The following TMEM178B variants were observed in gnomAD, a reference collection of about 807,000 sequenced individuals.
TMEM178B encodes the protein transmembrane protein 178B.
Under a neutral mutation model 31.0 loss-of-function variants are expected in TMEM178B, and 5 were observed. That is an observed-to-expected ratio of 0.16 (90% CI 0.08 to 0.34). The LOEUF is 0.34. Ranked by LOEUF, TMEM178B falls within the 10% of genes least tolerant of loss-of-function variation. The pLI is 1.00. For missense variants in TMEM178B, 275 were observed against 400.3 expected, an observed-to-expected ratio of 0.69 and a Z score of 2.67; for synonymous variants, 164 against 164.0, an observed-to-expected ratio of 1.00 and a Z score of 0.00.
intron 2 of TMEM178B, among the ~76,000 whole-genome samples, chr7:141,285,150 G>GTTTTTTTTTTTTTTTTTTTTTTT: frequency 1.3e-5 from 1 of 78,962 alleles, no homozygotes; most frequent in Non-Finnish European, 2.6e-5. Context: ...CAGGATTCTT[G>GTTTTTTTTTTTTTTTTTTTTTTT]TTTCTTTTTT....
intron 2 of TMEM178B, among the ~76,000 whole-genome samples, chr7:141,348,206 C>T (rs936325526): frequency 3.9e-5 from 6 of 152,126 alleles, no homozygotes; most frequent in East Asian, 1.9e-4. Flanking sequence ...TTCCAAATTT[C>T]GCAGTTATTT....
At chr7:141,123,471 T>G (rs1358159070) in intron 1 of TMEM178B, among the ~76,000 whole-genome samples, 3 of 152,344 alleles carry the variant, frequency 2.0e-5, no homozygotes, top group Admixed American at 2.0e-4. Context: ...GTTCACAGGC[T>G]GAAGTGTTTG....
At chr7:141,142,727 G>T (rs1162765504) in intron 1 of TMEM178B, among the ~76,000 whole-genome samples, 2 of 152,222 alleles carry the variant, frequency 1.3e-5, no homozygotes, top group African/African-American at 2.4e-5. Context: ...TTTTCATTTG[G>T]ATGTATTCCC....
At chr7:141,245,170 CAAAAAAAAAAAAAAAAAAAAA>C (rs59281560) in intron 2 of TMEM178B, among the ~76,000 whole-genome samples, 235 of 23,102 alleles carry the variant, frequency 0.01, 3 homozygotes, top group African/African-American at 0.028. Flanking sequence ...ACTCCATCAC[CAAAAAAAAAAAAAAAAAAAAA>C]AAAAAAAAAA....
Position 141,425,663 on chromosome 7 carries a change from G to A in TMEM178B, c.497-11945G>A, listed in dbSNP as rs117689604. ...TTGCGACTCTGCCTCTTGGTCTTGC[G>A]TTTTACCCCCTTCTTTCTTCCCTCC... On this transcript the variant is annotated intron_variant, in intron 2 of 3. Transcript: ENST00000565468. 1.3e-3 allele frequency among the ~76,000 whole-genome samples: 191 copies of A among 152,236 alleles called. 1 individual carries two copies. The highest frequency in any genetic ancestry group is 3.9e-3 in the East Asian group (20 of 5,188).
chr7:141,237,387 A>G (rs1797544075), intron 2 of TMEM178B, among the ~76,000 whole-genome samples: 1 of 152,254 alleles, frequency 6.6e-6, no homozygotes, highest in Non-Finnish European at 1.5e-5. Context: ...GTTCAGTTAT[A>G]TAGTAGAGTG....
intron 2 of TMEM178B, among the ~76,000 whole-genome samples, chr7:141,358,224 A>G (rs773618339): frequency 2.0e-5 from 3 of 152,190 alleles, no homozygotes; most frequent in Non-Finnish European, 2.9e-5. Flanking sequence ...ACAGATACTC[A>G]GTATCTAATT....
chr7:141,271,707 T>C (rs1187344599), intron 2 of TMEM178B, among the ~76,000 whole-genome samples: 1 of 152,224 alleles, frequency 6.6e-6, no homozygotes, highest in Non-Finnish European at 1.5e-5. Context: ...TTTCACAATC[T>C]GGCAAGTGTA....
chr7:141,174,294 AT>A (rs1206107642), intron 1 of TMEM178B, among the ~76,000 whole-genome samples: 1 of 152,118 alleles, frequency 6.6e-6, no homozygotes, highest in East Asian at 1.9e-4. Flanking sequence ...ACATGAACTC[AT>A]CCTTTTTTAT....
chr7:141,386,171 C>T lies in TMEM178B; in HGVS notation c.497-51437C>T, dbSNP rs77995949. Reference sequence around the variant, plus strand: ...GAAAGCTTTGCTCCCATCTTCTGGGCTCGGAGTTGTCATGGATTTAATTAG... The same window carrying T: ...GAAAGCTTTGCTCCCATCTTCTGGGTTCGGAGTTGTCATGGATTTAATTAG... On this transcript the variant is annotated intron_variant, in intron 2 of 3. Transcript: ENST00000565468. Among the ~76,000 whole-genome samples the T allele has an allele frequency of 1.8e-3, 270 of 152,312 alleles. 7 individuals are homozygous for T. The East Asian group carries it at 0.031, about 18-fold the overall frequency.
At chr7:141,125,347 C>T (rs187234059) in intron 1 of TMEM178B, among the ~76,000 whole-genome samples, 1 of 152,196 alleles carries the variant, frequency 6.6e-6, no homozygotes, top group East Asian at 1.9e-4. Flanking sequence ...CATAAAAACT[C>T]CCCAAACTGA....
intron 2 of TMEM178B, among the ~76,000 whole-genome samples, chr7:141,308,618 CT>C (rs1170366966): frequency 6.6e-6 from 1 of 152,190 alleles, no homozygotes; most frequent in African/African-American, 2.4e-5. Flanking sequence ...TGTGGGGCTG[CT>C]TTGGTTGAGA....
At chr7:141,252,742 C>T (rs1294342907) in intron 2 of TMEM178B, among the ~76,000 whole-genome samples, 1 of 152,204 alleles carries the variant, frequency 6.6e-6, no homozygotes, top group Non-Finnish European at 1.5e-5. Context: ...AGACCACAGA[C>T]TGTATGGTAC....
At chr7:141,138,801 T>C (rs1325876633) in intron 1 of TMEM178B, among the ~76,000 whole-genome samples, 1 of 151,552 alleles carries the variant, frequency 6.6e-6, no homozygotes, top group African/African-American at 2.4e-5. Flanking sequence ...GCTAACATGG[T>C]GAAACCCTGT....
At chr7:141,292,634 CTTT>C (rs34248650) in intron 2 of TMEM178B, among the ~76,000 whole-genome samples, 1 of 106,128 alleles carries the variant, frequency 9.4e-6, no homozygotes, top group African/African-American at 3.6e-5. Flanking sequence ...GCTTTTAGAT[CTTT>C]TTTTTTTTTT....
At chr7:141,492,732 T>C in the TMEM178B span, among the ~76,000 whole-genome samples, 2 of 152,242 alleles carry the variant, frequency 1.3e-5, no homozygotes, top group Non-Finnish European at 2.9e-5. Flanking sequence ...CTGCCTGATA[T>C]TAGAGCTGAG....
At chr7:141,367,289 G>C (rs1371934217) in intron 2 of TMEM178B, among the ~76,000 whole-genome samples, 1 of 150,894 alleles carries the variant, frequency 6.6e-6, no homozygotes, top group African/African-American at 2.4e-5. Context: ...TTTCTTTTGA[G>C]ACTAAATCTC....
intron 1 of TMEM178B, among the ~76,000 whole-genome samples, chr7:141,163,629 C>T (rs115694373): frequency 6.6e-6 from 1 of 151,944 alleles, no homozygotes; most frequent in African/African-American, 2.4e-5. Flanking sequence ...TTCCTCATGC[C>T]TCAGTCTGCC....
chr7:141,272,072 C>A (rs4726443), intron 2 of TMEM178B, among the ~76,000 whole-genome samples: 7,276 of 152,270 alleles, frequency 0.048, 288 homozygotes, highest in East Asian at 0.12. Flanking sequence ...GAAGTGATCT[C>A]TTCTATGGAC....
Sources: allele counts gnomAD v4.1 joint callset (sites outside exome capture counted in the v4.1 genomes callset), GRCh38; gene constraint gnomAD v4.1.1; transcripts MANE v1.5; gene names NCBI Gene and HGNC (gene_info 2026-07-23, HGNC 2026-07-21).